Variants in LOXHD1 observed in about 807,000 individuals in gnomAD.
LOXHD1 encodes lipoxygenase homology PLAT domains 1, also known as lipoxygenase homology domain-containing protein 1.
LOXHD1 carries 205 observed loss-of-function variants against 248.2 expected under a neutral mutation model. That is an observed-to-expected ratio of 0.83 (90% CI 0.74 to 0.93). The LOEUF is 0.93. Ranked by LOEUF, LOXHD1 falls within the 40% of genes least tolerant of loss-of-function variation. The probability of loss-of-function intolerance (pLI) is 0.00; values close to 1 mark genes in which losing one functional copy is unlikely to be tolerated. For synonymous variants in LOXHD1, 1,113 were observed against 1,162.8 expected (o/e 0.96, Z 0.87); for missense variants, 2,930 against 2,971.6 (o/e 0.99, Z 0.33).
intron 40 of LOXHD1, 125 bp downstream of exon 40, chr18:46,483,462 A>C: frequency 8.4e-7 from 1 of 1,196,202 alleles, no homozygotes; most frequent in Non-Finnish European, 1.2e-6. Flanking sequence ...AGGCCTCCTG[A>C]ACAGGGTAAT....
intron 4 of LOXHD1, among the ~76,000 whole-genome samples, chr18:46,632,561 A>C (rs1338266364): frequency 6.6e-6 from 1 of 152,152 alleles, no homozygotes; most frequent in Non-Finnish European, 1.5e-5. Flanking sequence ...AGTTACCAAG[A>C]GGGTGAGCCA....
intron 37 of LOXHD1, among the ~76,000 whole-genome samples, chr18:46,497,248 G>T (rs1195340026): frequency 2.0e-5 from 3 of 152,124 alleles, no homozygotes; most frequent in African/African-American, 4.8e-5. Context: ...GGTGGGGTGG[G>T]GTGTCAAGCT....
intron 14 of LOXHD1, among the ~76,000 whole-genome samples, chr18:46,576,281 GT>G (rs1016530507): frequency 1.2e-4 from 18 of 152,072 alleles, no homozygotes; most frequent in Non-Finnish European, 2.5e-4. Flanking sequence ...CAGGATGGGG[GT>G]GAAAACGCCA....
intron 4 of LOXHD1, among the ~76,000 whole-genome samples, chr18:46,629,863 G>C (rs1327876864): frequency 6.6e-6 from 1 of 151,188 alleles, no homozygotes; most frequent in East Asian, 1.9e-4. Flanking sequence ...TGGGAGTCCA[G>C]ATGTAAACGT....
chr18:46,582,056 A>G (rs970954807), intron 12 of LOXHD1, among the ~76,000 whole-genome samples: 2 of 152,248 alleles, frequency 1.3e-5, no homozygotes, highest in African/African-American at 4.8e-5. Context: ...TTCATGTTAG[A>G]CATTAAACAG....
chr18:46,648,434 G>A (rs755757933), intron 2 of LOXHD1, among the ~76,000 whole-genome samples: 2 of 152,166 alleles, frequency 1.3e-5, no homozygotes, highest in Non-Finnish European at 2.9e-5. Flanking sequence ...ATGTTTCATG[G>A]ACTCAGACCA....
chr18:46,564,450 C>T (rs9967036), intron 17 of LOXHD1, among the ~76,000 whole-genome samples: 40,101 of 151,930 alleles, frequency 0.26, 6,067 homozygotes, highest in African/African-American at 0.4. Flanking sequence ...GGGGATCGCT[C>T]GAGCCTGGGA....
chr18:46,595,060 G>C (rs1044970500), intron 8 of LOXHD1, among the ~76,000 whole-genome samples: 1 of 152,156 alleles, frequency 6.6e-6, no homozygotes, highest in Non-Finnish European at 1.5e-5. Flanking sequence ...TGGTTTCTAA[G>C]CTTTACTTTC....
At chr18:46,477,091 G>A, downstream of LOXHD1, 2 of 700,950 alleles carry the variant, frequency 2.9e-6, no homozygotes, top group Non-Finnish European at 5.3e-6. Context: ...TAGCTTTTTT[G>A]GGGAAAAGTG....
In LOXHD1 at chr18:46,657,153, G is replaced by C; in HGVS notation, c.-120C>G. The C allele has an allele frequency of 2.7e-6, 4 of 1,490,626 alleles. No homozygotes were observed. The highest frequency in any genetic ancestry group is 3.6e-6 in the Non-Finnish European group (4 of 1,110,902). 92.3% of individuals were successfully genotyped at this position (1,490,626 alleles called of 1,614,324 possible). On this transcript the variant is annotated 5_prime_UTR_variant, in exon 1 of 41. Coordinates refer to ENST00000642948, the MANE Select transcript of LOXHD1 (RefSeq NM_001384474.1). The stretch of plus-strand genomic sequence containing the variant: ...CACGGCCCTCCTATAGCTCAGGCCT[G>C]GGTGGGCCAGAGTGCCCCGTTTTCT...
intron 21 of LOXHD1, chr18:46,555,218 C>T (rs774494172): frequency 2.1e-5 from 10 of 469,622 alleles, no homozygotes; most frequent in South Asian, 1.6e-4. Flanking sequence ...GCTTAAATGC[C>T]TTGGATTTTC....
In LOXHD1 at chr18:46,652,406, TCAAA is replaced by T. The variant is rs568747433; in HGVS notation, c.131-3141_131-3138del. ...TGAAGTTGAAAAATGGACAAAAGAC[TCAAA>T]CAGACATACCACAAAAGAGGATAGC... On this transcript the variant is annotated intron_variant, in intron 1 of 40. Coordinates refer to ENST00000642948, the MANE Select transcript of LOXHD1 (RefSeq NM_001384474.1). 1.1e-4 allele frequency among the ~76,000 whole-genome samples: 17 copies of T among 152,176 alleles called. No individual in the cohort carries two copies. The East Asian group carries it at 2.3e-3, about 21-fold the overall frequency.
intron 2 of LOXHD1, among the ~76,000 whole-genome samples, chr18:46,648,932 T>C (rs2039070430): frequency 1.3e-5 from 2 of 152,214 alleles, no homozygotes; most frequent in Admixed American, 6.5e-5. Flanking sequence ...CTGAGATCCA[T>C]AGGAGGCATT....
At position 46,610,790 on chromosome 18, in the gene LOXHD1, A is replaced by C. The variant is rs753039146; in HGVS notation, c.745T>G (p.Trp249Gly). The C allele has an allele frequency of 1.4e-5, 21 of 1,551,444 alleles. No individual in the cohort carries two copies. In the South Asian group the frequency reaches 2.5e-4, roughly 18 times the overall value. The change falls in exon 6 of 41, where the codon TGG (tryptophan) becomes GGG (glycine). Residue 249 changes from tryptophan (W) to glycine (G), a missense_variant. Trp to Gly is a radical substitution (Grantham distance 184). Coordinates refer to ENST00000642948, the MANE Select transcript of LOXHD1 (RefSeq NM_001384474.1). The part of the protein sequence containing the change: ...GHNNKGGSAG[W>G]FLSQIVIEDI... ...GCTGAACTCACCTGGGACAGGAACC[A>C]ACCTGCAGAGCCCCCCTTATTGTTG...
intron 4 of LOXHD1, among the ~76,000 whole-genome samples, chr18:46,638,507 C>T (rs896237917): frequency 1.3e-5 from 2 of 152,120 alleles, no homozygotes; most frequent in Non-Finnish European, 2.9e-5. Context: ...GTGTCAGGCA[C>T]CTGTAATCCC....
At chr18:46,637,622 TCA>T (rs1246621239) in intron 4 of LOXHD1, among the ~76,000 whole-genome samples, 4 of 151,872 alleles carry the variant, frequency 2.6e-5, no homozygotes, top group Non-Finnish European at 5.9e-5. Context: ...TCTCTCATAC[TCA>T]CACACAAACA....
intron 4 of LOXHD1, among the ~76,000 whole-genome samples, chr18:46,628,022 G>T (rs1432537604): frequency 6.6e-6 from 1 of 152,186 alleles, no homozygotes; most frequent in Non-Finnish European, 1.5e-5. Flanking sequence ...AATGCCCATT[G>T]AATCACTGAA....
At chr18:46,558,406 A>G (rs2037425888) in intron 20 of LOXHD1, among the ~76,000 whole-genome samples, 2 of 152,248 alleles carry the variant, frequency 1.3e-5, no homozygotes. Flanking sequence ...TATATAATAT[A>G]CAGTCCATGT....
In LOXHD1 at chr18:46,572,003, G is replaced by A. The variant is rs756214061; in HGVS notation, c.2047+83C>T. On this transcript the variant is annotated intron_variant, in intron 15 of 40. Coordinates refer to ENST00000642948, the MANE Select transcript of LOXHD1 (RefSeq NM_001384474.1). ...CACCTCTGTGAAACATGAAGTGCTC[G>A]TGTTTTCTTGAAGGGCTTAGCTGAG... 113 of 1,191,672 alleles carry A rather than the reference G, an allele frequency of 9.5e-5. 1 individual carries two copies. The highest frequency in any genetic ancestry group is 3.3e-4 in the South Asian group (25 of 75,136). 73.8% of individuals were successfully genotyped at this position (1,191,672 alleles called of 1,614,324 possible). A position where few individuals can be genotyped will look rare whatever the true frequency, so the allele number is the denominator to read the frequency against.
Sources: gnomAD v4.1 joint callset for allele counts (sites outside exome capture counted in the v4.1 genomes callset) on GRCh38, gnomAD v4.1.1 for gene constraint, MANE v1.5 for transcripts, NCBI Gene and HGNC (gene_info 2026-07-23, HGNC 2026-07-21) for gene names.